PKHD1L1: variants seen among roughly 807,000 people sequenced by gnomAD.
PKHD1L1 encodes PKHD1 like 1.
A neutral mutation model predicts 462.9 loss-of-function variants in PKHD1L1; 434 were observed. That is an observed-to-expected ratio of 0.94 (90% CI 0.87 to 1.02). The LOEUF is 1.02. Among genes scored for constraint, PKHD1L1 ranks in the 50% least tolerant of loss-of-function variants. The pLI is 0.00. For synonymous variants in PKHD1L1, 1,781 were observed against 1,750.0 expected, an observed-to-expected ratio of 1.02 and a Z score of -0.44; for missense variants, 5,202 against 5,096.1, an observed-to-expected ratio of 1.02 and a Z score of -0.63.
Position 109,381,377 on chromosome 8 carries a change from T to C in PKHD1L1, c.171T>C (p.Ser57=). The change falls in exon 3 of 78, where the codon TCT becomes TCC. Residue 57 remains serine (S), a synonymous_variant. Coordinates refer to ENST00000378402, the MANE Select transcript of PKHD1L1 (RefSeq NM_177531.6). The part of the protein sequence containing the change: ...TRLTIRGEGF[S]QANQFNYGVD... ...GTCTTCTTACTTTTCCAGGTTTTTC[T>C]CAAGCAAACCAGTTTAACTATGGAG... 6.4e-7 allele frequency: 1 copy of C among 1,568,974 alleles called. No individual in the cohort carries two copies. Among genetic ancestry groups the C allele is most frequent in the Non-Finnish European group, 8.7e-7 (1 of 1,155,342 alleles).
chr8:109,405,334 C>A (rs1167787665), intron 16 of PKHD1L1, among the ~76,000 whole-genome samples: 1 of 151,994 alleles, frequency 6.6e-6, no homozygotes, highest in Non-Finnish European at 1.5e-5. Context: ...GTGGCATATA[C>A]CATCATTTTC....
At chr8:109,494,461 T>C (rs746118927) in intron 63 of PKHD1L1, among the ~76,000 whole-genome samples, 2 of 151,950 alleles carry the variant, frequency 1.3e-5, no homozygotes, top group Non-Finnish European at 2.9e-5. Flanking sequence ...CAGCATTGTC[T>C]GTACTAGCAG....
chr8:109,436,990 A>C (rs1815455155), intron 30 of PKHD1L1, among the ~76,000 whole-genome samples: 1 of 152,222 alleles, frequency 6.6e-6, no homozygotes, highest in South Asian at 2.1e-4. Context: ...ATCTCGCCTC[A>C]CTGCAACCTC....
chr8:109,420,480 T>A, intron 22 of PKHD1L1, 38 bp from the exon 23 acceptor site: 1 of 1,384,326 alleles, frequency 7.2e-7, no homozygotes, highest in Non-Finnish European at 9.5e-7. Flanking sequence ...CCACAGTTAC[T>A]TTTACACCAA....
In PKHD1L1 at chr8:109,427,097, G is replaced by A. The variant is rs1586486389; in HGVS notation, c.2941G>A (p.Ala981Thr). The A allele has an allele frequency of 1.2e-6, 2 of 1,613,998 alleles. No individual in the cohort carries two copies. Among genetic ancestry groups the A allele is most frequent in the Non-Finnish European group, 1.7e-6 (2 of 1,179,870 alleles). Reference sequence around the variant, plus strand: ...CTCAGTTACACGAGAGGGAACCTGTGCTGGCTACGCGTGGAACATCAAATG... The same window carrying A: ...CTCAGTTACACGAGAGGGAACCTGTACTGGCTACGCGTGGAACATCAAATG... ...RISVTREGTC[A>T]GYAWNIKWRS... Residue 981 changes from alanine to threonine, a missense_variant, in exon 25 of 78, where the codon GCT (alanine) becomes ACT (threonine). Physicochemically the swap from Ala to Thr is moderately conservative, Grantham distance 58. Transcript: ENST00000378402.
chr8:109,450,820 C>T (rs924977183), intron 40 of PKHD1L1, among the ~76,000 whole-genome samples, 155 bp from the exon 41 acceptor site: 1 of 152,088 alleles, frequency 6.6e-6, no homozygotes, highest in Non-Finnish European at 1.5e-5. Flanking sequence ...TTGGCTATTG[C>T]TAGAGGGCCA....
chr8:109,519,777 C>A (rs1053822845), intron 73 of PKHD1L1, among the ~76,000 whole-genome samples: 23 of 152,232 alleles, frequency 1.5e-4, no homozygotes, highest in African/African-American at 5.5e-4. Flanking sequence ...ATGAAAGCTA[C>A]AAAGGTATGA....
chr8:109,412,864 T>C (rs554200058), intron 20 of PKHD1L1, among the ~76,000 whole-genome samples: 131 of 152,172 alleles, frequency 8.6e-4, no homozygotes, highest in African/African-American at 3.1e-3. Context: ...CTGTTAATCA[T>C]AGATTCACCC....
chr8:109,400,382 A>T (rs748976263), intron 13 of PKHD1L1, 38 bp downstream of exon 13: 8 of 1,563,646 alleles, frequency 5.1e-6, no homozygotes, highest in Non-Finnish European at 7.0e-6. Flanking sequence ...TACTGTAAAA[A>T]CATTATGGTG....
intron 42 of PKHD1L1, 90 bp from the exon 43 acceptor site, chr8:109,452,628 T>C: frequency 1.5e-6 from 1 of 676,186 alleles, no homozygotes; most frequent in Non-Finnish European, 2.0e-6. Context: ...TATAAATATA[T>C]TTATATTGTA....
Position 109,483,627 on chromosome 8 carries a change from A to AT in PKHD1L1, c.9576+524dup, listed in dbSNP as rs1818382146. 2.7e-5 allele frequency among the ~76,000 whole-genome samples: 4 copies of AT among 150,398 alleles called. No homozygotes were observed. The Admixed American group carries it at 2.7e-4, about 10-fold the overall frequency. On this transcript the variant is annotated intron_variant, in intron 57 of 77. Coordinates refer to ENST00000378402, the MANE Select transcript of PKHD1L1 (RefSeq NM_177531.6). ...TATATATACATAATATATTAGTCAT[A>AT]TTAGTCATATTTTATGCCAATGTAT...
intron 21 of PKHD1L1, among the ~76,000 whole-genome samples, chr8:109,416,348 G>C (rs994232755): frequency 6.6e-6 from 1 of 152,318 alleles, no homozygotes; most frequent in Middle Eastern, 3.4e-3. Context: ...GGTAGAACTT[G>C]AAGTGGACTT....
At chr8:109,406,614 G>A (rs186046981) in intron 17 of PKHD1L1, 136 bp downstream of exon 17, 32 of 1,030,104 alleles carry the variant, frequency 3.1e-5, no homozygotes, top group Admixed American at 2.8e-4. Flanking sequence ...TTTTTTCTAC[G>A]GTAATTTAAA....
At chr8:109,410,807 C>G (rs1813818673) in intron 19 of PKHD1L1, among the ~76,000 whole-genome samples, 1 of 142,492 alleles carries the variant, frequency 7.0e-6, no homozygotes, top group Admixed American at 7.2e-5. Context: ...TGGCTCACTG[C>G]AACCTCCACC....
intron 14 of PKHD1L1, among the ~76,000 whole-genome samples, chr8:109,403,865 A>G (rs1396508559): frequency 5.3e-5 from 8 of 152,168 alleles, no homozygotes; most frequent in Non-Finnish European, 1.0e-4. Flanking sequence ...CAATGGTGAC[A>G]TTGCTAGAGA....
At chr8:109,418,352 T>C (rs1363024297) in intron 21 of PKHD1L1, among the ~76,000 whole-genome samples, 1 of 152,188 alleles carries the variant, frequency 6.6e-6, no homozygotes, top group Non-Finnish European at 1.5e-5. Context: ...GATGAGTTTA[T>C]GAACCCTGAA....
At position 109,401,448 on chromosome 8, in the gene PKHD1L1, T is replaced by C. The variant is rs1014661398; in HGVS notation, c.1282-49T>C. On this transcript the variant is annotated intron_variant, in intron 13 of 77. Transcript: ENST00000378402. ...GATAAATAAATAAATGTTGAAAAGG[T>C]CTATTAATAAATTCTCCCTTTTCTC... 4 of 937,284 alleles carry C rather than the reference T, an allele frequency of 4.3e-6. No individual in the cohort carries two copies. The Admixed American group carries it at 8.4e-5, about 20-fold the overall frequency. The allele number at this position is 937,284 out of a possible 1,614,324, so 58.1% of individuals were successfully genotyped here. A position where few individuals can be genotyped will look rare whatever the true frequency, so the allele number is the denominator to read the frequency against.
rs1213310156 is a variant in PKHD1L1 at position 109,425,123 on chromosome 8, A to T, written c.2736A>T (p.Arg912Ser). The T allele has an allele frequency of 6.2e-7, 1 of 1,603,596 alleles. No homozygotes were observed. Among genetic ancestry groups the T allele is most frequent in the Non-Finnish European group, 8.5e-7 (1 of 1,175,774 alleles). ...THETENEFVY[R>S]GNNWPGESKI... ...AGACAGAGAACGAGTTTGTCTACAG[A>T]GGAAATAATTGGCCAGGCGAGTCAA... The change falls in exon 24 of 78, where the codon AGA becomes AGT. Residue 912 changes from arginine (R) to serine (S), a missense_variant. By Grantham distance (110) the Arg-to-Ser change is moderately radical. Transcript: ENST00000378402.
At position 109,523,309 on chromosome 8, in the gene PKHD1L1, A is replaced by G. The variant is rs1319533062; in HGVS notation, c.12407A>G (p.Asn4136Ser). Residue 4136 changes from asparagine (N) to serine (S), a missense_variant, in exon 76 of 78, where the codon AAT becomes AGT. Physicochemically the swap from Asn to Ser is conservative, Grantham distance 46. Around this residue, in one of 3 missense-constraint regions of PKHD1L1, gnomAD observed 698 missense variants for 736.3 expected, o/e 0.95. Transcript: ENST00000378402. ...ILKDSNNNQV[N>S]GLSGNTTIPF... ...AAGGACTCCAATAATAACCAAGTCA[A>G]TGGCCTTAGTGGAAATACAACAATT... 2.5e-6 allele frequency: 4 copies of G among 1,612,542 alleles called. No homozygotes were observed. Among genetic ancestry groups the G allele is most frequent in the Non-Finnish European group, 2.5e-6 (3 of 1,178,932 alleles).
Sources: gnomAD v4.1 joint callset for allele counts (sites outside exome capture counted in the v4.1 genomes callset) on GRCh38, gnomAD v4.1.1 for gene constraint, gnomAD v4.1.1 regional missense constraint, MANE v1.5 for transcripts, NCBI Gene and HGNC (gene_info 2026-07-23, HGNC 2026-07-21) for gene names.